Variants in PIK3CB observed in about 807,000 individuals in gnomAD.
The protein encoded by PIK3CB is phosphatidylinositol-4,5-bisphosphate 3-kinase catalytic subunit beta.
In PIK3CB, 39 loss-of-function variants were observed where a neutral mutation model predicts 136.8. That is an observed-to-expected ratio of 0.29 (90% CI 0.22 to 0.37). The LOEUF is 0.37. Among genes scored for constraint, PIK3CB ranks in the 10% least tolerant of loss-of-function variants. The pLI, the probability that PIK3CB is intolerant of heterozygous loss-of-function variation, is 1.00. For synonymous variants in PIK3CB, 428 were observed against 436.6 expected (o/e 0.98, Z 0.25); for missense variants, 868 against 1,275.4 (o/e 0.68, Z 4.87).
intron 4 of PIK3CB, among the ~76,000 whole-genome samples, chr3:138,753,621 A>C (rs1481104199): frequency 6.6e-6 from 1 of 152,106 alleles, no homozygotes; most frequent in Non-Finnish European, 1.5e-5. Flanking sequence ...ACTTGAGCTT[A>C]GGAGTTTGAT....
At position 138,747,112 on chromosome 3, in the gene PIK3CB, A is replaced by G. The variant is rs1280332491; in HGVS notation, c.398-4331T>C. On this transcript the variant is annotated intron_variant, in intron 4 of 23. Transcript: ENST00000674063. ...TATATATATATATATATATATATATATGGCATTTGCAGGCACAATCACAGC... is the reference window on the plus strand; with the variant it reads ...TATATATATATATATATATATATATGTGGCATTTGCAGGCACAATCACAGC... 2.1e-3 allele frequency among the ~76,000 whole-genome samples: 174 copies of G among 81,260 alleles called. 1 individual carries two copies. The highest frequency in any genetic ancestry group is 3.2e-3 in the Non-Finnish European group (138 of 43,264). The allele number at this position is 81,260 out of a possible 152,430, so 53.3% of individuals were successfully genotyped here.
chr3:138,829,731 G>A (rs1463693756), intron 1 of PIK3CB, among the ~76,000 whole-genome samples: 2 of 152,072 alleles, frequency 1.3e-5, no homozygotes, highest in Non-Finnish European at 2.9e-5. Flanking sequence ...AGGTTGCAGT[G>A]AGCCGAGATT....
chr3:138,685,632 A>G lies in PIK3CB; in HGVS notation c.2137-829T>C, dbSNP rs142702792. On this transcript the variant is annotated intron_variant, in intron 16 of 23. Transcript: ENST00000674063. ...TGTCATCACTCTTGTATGATATCTC[A>G]ATATATTCTATTTCCATTAACAGCA... Among the ~76,000 whole-genome samples, 578 of 152,144 alleles carry G rather than the reference A, an allele frequency of 3.8e-3. 5 individuals are homozygous for G. Among genetic ancestry groups the G allele is most frequent in the African/African-American group, 0.013 (555 of 41,504 alleles).
At chr3:138,786,635 C>T (rs986416052) in intron 2 of PIK3CB, among the ~76,000 whole-genome samples, 3 of 152,078 alleles carry the variant, frequency 2.0e-5, no homozygotes, top group African/African-American at 7.2e-5. Context: ...CATGAGCCAC[C>T]GTGCCCAGCC....
chr3:138,756,232 T>G (rs1261742834), intron 3 of PIK3CB, among the ~76,000 whole-genome samples: 1 of 152,176 alleles, frequency 6.6e-6, no homozygotes, highest in Non-Finnish European at 1.5e-5. Flanking sequence ...ATTCAAGTTT[T>G]CTTACAACAG....
chr3:138,739,917 A>T (rs116688775), intron 5 of PIK3CB, among the ~76,000 whole-genome samples: 1,958 of 144,380 alleles, frequency 0.014, 44 homozygotes, highest in African/African-American at 0.044. Context: ...AAAAAAAAAA[A>T]AAATAAAAGA....
At position 138,655,331 on chromosome 3, in the gene PIK3CB, A is replaced by T. The variant is rs2108380445; in HGVS notation, c.*58T>A. 6.5e-7 allele frequency: 1 copy of T among 1,539,842 alleles called. No homozygotes were observed. The highest frequency in any genetic ancestry group is 9.0e-7 in the Non-Finnish European group (1 of 1,115,770). ...AACAGGGTCATGTTCAATTTAGTGC[A>T]AGTGCAAAATGAAAATGAAATGAAA... is the stretch of plus-strand genomic sequence containing the variant. On this transcript the variant is annotated 3_prime_UTR_variant, in exon 24 of 24. Coordinates refer to ENST00000674063, the MANE Select transcript of PIK3CB (RefSeq NM_006219.3).
At chr3:138,695,931 A>ATTTT (rs34470924) in intron 13 of PIK3CB, among the ~76,000 whole-genome samples, 1,074 of 90,776 alleles carry the variant, frequency 0.012, 35 homozygotes, top group African/African-American at 0.046. Context: ...AATTTTTTGT[A>ATTTT]TTTTTTTTTT....
At chr3:138,658,797 C>T (rs1421618668) in intron 21 of PIK3CB, among the ~76,000 whole-genome samples, 2 of 152,136 alleles carry the variant, frequency 1.3e-5, no homozygotes, top group African/African-American at 4.8e-5. Flanking sequence ...ATTCATTTAG[C>T]TTAGTGTTCT....
At position 138,681,202 on chromosome 3, in the gene PIK3CB, C is replaced by T. The variant is rs551405653; in HGVS notation, c.2504+765G>A. ...GCTGGGAGTACGGGCATGTGCTCCA[C>T]GCCTGGCTAACTTTTGTATTTTTAG... On this transcript the variant is annotated intron_variant, in intron 19 of 23. Transcript: ENST00000674063. 4.0e-5 allele frequency among the ~76,000 whole-genome samples: 6 copies of T among 151,694 alleles called. No individual in the cohort carries two copies. The East Asian group carries it at 9.7e-4, about 25-fold the overall frequency.
rs538447740 is a variant in PIK3CB, at chr3:138,758,882, A to C, written c.171+291T>G. On this transcript the variant is annotated intron_variant, in intron 3 of 23. Coordinates refer to ENST00000674063, the MANE Select transcript of PIK3CB (RefSeq NM_006219.3). ...CCCAAGAGTCAAGGAAAGGGGGAAG[A>C]GAAGAAAAAGGAGAGAAGAGAAAAT... Among the ~76,000 whole-genome samples, 171 of 152,338 alleles carry C rather than the reference A, an allele frequency of 1.1e-3. 1 individual carries two copies. The highest frequency in any genetic ancestry group is 4.0e-3 in the African/African-American group (168 of 41,574).
At chr3:138,808,292 A>G (rs892237590) in intron 1 of PIK3CB, among the ~76,000 whole-genome samples, 4 of 152,188 alleles carry the variant, frequency 2.6e-5, no homozygotes, top group African/African-American at 9.7e-5. Flanking sequence ...ATCTCAGTTA[A>G]AAGAAGTGCA....
intron 2 of PIK3CB, among the ~76,000 whole-genome samples, chr3:138,788,740 A>C (rs2046011746): frequency 6.6e-6 from 1 of 150,422 alleles, no homozygotes; most frequent in Non-Finnish European, 1.5e-5. Flanking sequence ...AGGCGGGCGG[A>C]TCACCTGAGG....
intron 1 of PIK3CB, among the ~76,000 whole-genome samples, chr3:138,798,321 C>T (rs879146745): frequency 6.6e-6 from 1 of 152,056 alleles, no homozygotes; most frequent in Non-Finnish European, 1.5e-5. Context: ...TGCACCACCA[C>T]GCCCGGCTAA....
chr3:138,690,863 G>C, intron 15 of PIK3CB, 137 bp downstream of exon 15: 1 of 586,626 alleles, frequency 1.7e-6, no homozygotes, highest in Non-Finnish European at 2.9e-6. Flanking sequence ...AGAAACAGGA[G>C]AAGGCACCAA....
At chr3:138,669,775 C>T (rs2043495604) in intron 19 of PIK3CB, among the ~76,000 whole-genome samples, 1 of 152,030 alleles carries the variant, frequency 6.6e-6, no homozygotes, top group Non-Finnish European at 1.5e-5. Flanking sequence ...GTTACAAGTA[C>T]TAAAACAGTA....
chr3:138,806,261 A>G (rs2046233255), intron 1 of PIK3CB, among the ~76,000 whole-genome samples: 1 of 152,094 alleles, frequency 6.6e-6, no homozygotes. Flanking sequence ...CAAGGGAGGC[A>G]GATCACTTGA....
intron 4 of PIK3CB, among the ~76,000 whole-genome samples, chr3:138,752,247 T>C (rs1480120856): frequency 6.6e-6 from 1 of 152,170 alleles, no homozygotes; most frequent in African/African-American, 2.4e-5. Flanking sequence ...AGCCACATCA[T>C]CTTTCAGGAA....
chr3:138,817,636 C>A (rs1167380334), intron 1 of PIK3CB, among the ~76,000 whole-genome samples: 2 of 152,060 alleles, frequency 1.3e-5, no homozygotes, highest in Non-Finnish European at 2.9e-5. Flanking sequence ...GTCAATGCAG[C>A]AACATAAAAT....
Sources: allele counts gnomAD v4.1 joint callset (sites outside exome capture counted in the v4.1 genomes callset), GRCh38; gene constraint gnomAD v4.1.1; transcripts MANE v1.5; gene names NCBI Gene and HGNC (gene_info 2026-07-23, HGNC 2026-07-21).